RAB3GAP1: variants seen among roughly 807,000 people sequenced by gnomAD.
The protein encoded by RAB3GAP1 is rab3 GTPase-activating protein catalytic subunit.
Under a neutral mutation model 130.7 loss-of-function variants are expected in RAB3GAP1, and 86 were observed. That is an observed-to-expected ratio of 0.66 (90% confidence interval 0.55 to 0.79). The LOEUF (loss-of-function observed/expected upper bound fraction) is 0.79, where lower values mean the gene tolerates loss of function less well. RAB3GAP1 is among the 30% of genes least tolerant of loss of function. The pLI, the probability that RAB3GAP1 is intolerant of heterozygous loss-of-function variation, is 0.00. For synonymous variants in RAB3GAP1, 367 were observed against 401.7 expected (o/e 0.91, Z 1.03); for missense variants, 1,029 against 1,169.4 (o/e 0.88, Z 1.75).
At chr2:135,163,151 C>A in intron 22 of RAB3GAP1, 50 bp downstream of exon 22, 1 of 1,284,802 alleles carries the variant, frequency 7.8e-7, no homozygotes, top group Non-Finnish European at 1.1e-6. Flanking sequence ...GAAAAGCCAC[C>A]ACTCTCTTAA....
At chr2:135,094,600 A>ACCTCCCATAGCTAGCCTTTTTAAG (rs1330928748) in intron 5 of RAB3GAP1, among the ~76,000 whole-genome samples, 6 of 151,936 alleles carry the variant, frequency 3.9e-5, no homozygotes, top group Non-Finnish European at 7.4e-5. Flanking sequence ...ACTCTGTATC[A>ACCTCCCATAGCTAGCCTTTTTAAG]CCTCCCATAG....
chr2:135,126,233 G>C lies in RAB3GAP1; in HGVS notation c.883G>C (p.Asp295His). The change falls in exon 10 of 24, where the codon GAT becomes CAT. Residue 295 changes from aspartate to histidine, a missense_variant. By Grantham distance (81) the Asp-to-His change is moderately conservative. This residue lies in a region of RAB3GAP1 where 510 missense variants were observed against 532.1 expected (regional missense o/e 0.96). Transcript: ENST00000264158. ...TCATCTGACCGAAGGGATCATTGTG[G>C]ATAATGATGTTTATTCGTAAGTATG... is the stretch of plus-strand genomic sequence containing the variant. ...WPHLTEGIIV[D>H]NDVYSDLDPI... is the part of the protein sequence containing the mutation. 1 of 1,612,268 alleles carries C rather than the reference G, an allele frequency of 6.2e-7. No individual in the cohort carries two copies. Among genetic ancestry groups the C allele is most frequent in the Non-Finnish European group, 8.5e-7 (1 of 1,178,580 alleles).
chr2:135,113,757 C>G (rs1240361906), intron 6 of RAB3GAP1, among the ~76,000 whole-genome samples: 1 of 145,554 alleles, frequency 6.9e-6, no homozygotes, highest in Admixed American at 6.8e-5. Flanking sequence ...TTTTTTTTTT[C>G]GAGACGTAGT....
rs772842361 is a variant in RAB3GAP1, at chr2:135,153,690, G to A, written c.2103G>A (p.Trp701Ter). 3 of 1,613,946 alleles carry A rather than the reference G, an allele frequency of 1.9e-6. No individual in the cohort carries two copies. Among genetic ancestry groups the A allele is most frequent in the Non-Finnish European group, 2.5e-6 (3 of 1,179,908 alleles). Residue 701 changes from tryptophan to a stop codon, truncating the protein, a stop_gained, in exon 19 of 24, where the codon TGG becomes TGA. Coordinates refer to ENST00000264158, the MANE Select transcript of RAB3GAP1 (RefSeq NM_012233.3). LOFTEE classifies it high-confidence loss of function. ...GCTCCCTGGAAGATTTTGTGAGGTG[G>A]TATTCACCCCGGGATTATATTGAAG... is the stretch of plus-strand genomic sequence containing the variant. ...PGCSLEDFVR[W>*]YSPRDYIEEE...
chr2:135,052,832 C>T (rs1482607928), intron 2 of RAB3GAP1, among the ~76,000 whole-genome samples: 2 of 152,230 alleles, frequency 1.3e-5, no homozygotes. Flanking sequence ...GTTTTCATTA[C>T]CGTTTAACTC....
chr2:135,108,679 A>C (rs1246850328), intron 5 of RAB3GAP1, among the ~76,000 whole-genome samples: 1 of 152,006 alleles, frequency 6.6e-6, no homozygotes, highest in Non-Finnish European at 1.5e-5. Context: ...GCAGAGCAAA[A>C]ATTTTTAATT....
At chr2:135,078,891 G>T (rs1444496029) in intron 3 of RAB3GAP1, among the ~76,000 whole-genome samples, 5 of 151,578 alleles carry the variant, frequency 3.3e-5, no homozygotes, top group Non-Finnish European at 7.4e-5. Context: ...TTTTTGAGAC[G>T]GAGTCTCGCT....
chr2:135,075,041 A>G (rs571515143), intron 3 of RAB3GAP1, among the ~76,000 whole-genome samples: 71 of 152,276 alleles, frequency 4.7e-4, no homozygotes, highest in Non-Finnish European at 7.6e-4. Context: ...TGCATCATTT[A>G]GTCCTCAAGT....
At chr2:135,163,815 A>G (rs1469810081) in intron 22 of RAB3GAP1, among the ~76,000 whole-genome samples, 1 of 152,242 alleles carries the variant, frequency 6.6e-6, no homozygotes, top group Non-Finnish European at 1.5e-5. Context: ...AAATGGCATT[A>G]TTGATGCTAA....
intron 3 of RAB3GAP1, among the ~76,000 whole-genome samples, chr2:135,074,301 G>A (rs766303404): frequency 2.0e-5 from 3 of 152,216 alleles, no homozygotes; most frequent in Non-Finnish European, 2.9e-5. Context: ...TATGCCAAAC[G>A]TAGGGATTGG....
chr2:135,140,011 A>G (rs553340011), intron 17 of RAB3GAP1, among the ~76,000 whole-genome samples: 1 of 152,288 alleles, frequency 6.6e-6, no homozygotes, highest in East Asian at 1.9e-4. Flanking sequence ...GTATAATCAT[A>G]CATTATATAC....
intron 3 of RAB3GAP1, chr2:135,089,960 A>G (rs540758402): frequency 3.6e-5 from 8 of 224,910 alleles, no homozygotes; most frequent in Non-Finnish European, 6.7e-5. Context: ...TAGGGGAGGG[A>G]TAGCATTAGG....
chr2:135,108,487 G>A (rs1312001015), intron 5 of RAB3GAP1, among the ~76,000 whole-genome samples: 3 of 149,146 alleles, frequency 2.0e-5, no homozygotes, highest in Non-Finnish European at 4.4e-5. Flanking sequence ...ATCTTCTTGG[G>A]TGAGGTGTCT....
chr2:135,060,044 TTTAA>T (rs1318960089), intron 3 of RAB3GAP1, among the ~76,000 whole-genome samples: 2 of 152,178 alleles, frequency 1.3e-5, no homozygotes, highest in African/African-American at 2.4e-5. Context: ...ATTAAAAACC[TTTAA>T]TTATGGAAAA....
chr2:135,061,224 G>A (rs1322083791), intron 3 of RAB3GAP1, among the ~76,000 whole-genome samples: 1 of 151,918 alleles, frequency 6.6e-6, no homozygotes, highest in African/African-American at 2.4e-5. Flanking sequence ...GTCCACATAC[G>A]TACTATTAGG....
chr2:135,109,026 A>G (rs1455740219), intron 5 of RAB3GAP1, among the ~76,000 whole-genome samples: 1 of 152,088 alleles, frequency 6.6e-6, no homozygotes, highest in East Asian at 1.9e-4. Context: ...ATTCTGTTCC[A>G]TTGATCCCTA....
chr2:135,088,688 C>CAAAAAAA (rs1162700077), intron 3 of RAB3GAP1, among the ~76,000 whole-genome samples: 3 of 55,666 alleles, frequency 5.4e-5, no homozygotes, highest in Admixed American at 1.9e-4. Context: ...GACTCCATCT[C>CAAAAAAA]AAAAAAAAAA....
At chr2:135,079,971 G>A (rs940851228) in intron 3 of RAB3GAP1, among the ~76,000 whole-genome samples, 1 of 152,142 alleles carries the variant, frequency 6.6e-6, no homozygotes, top group Non-Finnish European at 1.5e-5. Context: ...CAAAAAATTA[G>A]CCGGGCGCAG....
chr2:135,076,883 A>G (rs1689646893), intron 3 of RAB3GAP1, among the ~76,000 whole-genome samples: 1 of 152,218 alleles, frequency 6.6e-6, no homozygotes, highest in Non-Finnish European at 1.5e-5. Flanking sequence ...ATGAAGTAAT[A>G]TCTTCAAGGT....
Sources: gnomAD v4.1 joint callset for allele counts (sites outside exome capture counted in the v4.1 genomes callset) on GRCh38, gnomAD v4.1.1 for gene constraint, gnomAD v4.1.1 regional missense constraint, MANE v1.5 for transcripts, NCBI Gene and HGNC (gene_info 2026-07-23, HGNC 2026-07-21) for gene names.